GEMIN5: variants seen among roughly 807,000 people sequenced by gnomAD.
The protein encoded by GEMIN5 is gem nuclear organelle associated protein 5, also known as gem-associated protein 5.
Under a neutral mutation model 176.9 loss-of-function variants are expected in GEMIN5, and 124 were observed. The observed-to-expected ratio is 0.70, with a 90% CI of 0.61 to 0.81. The LOEUF is 0.81. Ranked by LOEUF, GEMIN5 falls within the 40% of genes least tolerant of loss-of-function variation. The probability of loss-of-function intolerance (pLI) is 0.00; values close to 1 mark genes in which losing one functional copy is unlikely to be tolerated. For synonymous variants in GEMIN5, 673 were observed against 665.2 expected, an observed-to-expected ratio of 1.01 and a Z score of -0.18; for missense variants, 1,843 against 1,814.6, an observed-to-expected ratio of 1.02 and a Z score of -0.28.
chr5:154,902,692 A>T lies in GEMIN5; in HGVS notation c.2729-16T>A, dbSNP rs189440893. ...TGACCTTTTCCTGTTTGAAAGAGAG[A>T]TAATGTTTGGAAGGTGTTTCAGAAA... On this transcript the variant is annotated splice_polypyrimidine_tract_variant and intron_variant, in intron 19 of 27. Coordinates refer to ENST00000285873, the MANE Select transcript of GEMIN5 (RefSeq NM_015465.5). 1.2e-6 allele frequency: 2 copies of T among 1,612,518 alleles called. No individual in the cohort carries two copies. Among genetic ancestry groups the T allele is most frequent in the East Asian group, 2.2e-5 (1 of 44,858 alleles).
At chr5:154,935,733 T>C in intron 3 of GEMIN5, 108 bp downstream of exon 3, 1 of 743,256 alleles carries the variant, frequency 1.3e-6, no homozygotes, top group Non-Finnish European at 2.2e-6. Context: ...GTGGTTAACA[T>C]CTGTAGATGG....
chr5:154,892,644 A>G, intron 24 of GEMIN5, 95 bp from the exon 25 acceptor site: 1 of 1,187,544 alleles, frequency 8.4e-7, no homozygotes, highest in Non-Finnish European at 1.2e-6. Flanking sequence ...TTTGGAAACA[A>G]GTACACACAA....
At chr5:154,917,289 G>C (rs1763833771) in intron 12 of GEMIN5, 110 bp from the exon 13 acceptor site, 6 of 516,266 alleles carry the variant, frequency 1.2e-5, no homozygotes, top group Admixed American at 3.5e-5. Flanking sequence ...AGGTGGAAAA[G>C]GATAACCCTT....
intron 6 of GEMIN5, among the ~76,000 whole-genome samples, chr5:154,927,956 A>C (rs953491099): frequency 3.3e-5 from 5 of 151,800 alleles, no homozygotes; most frequent in African/African-American, 1.2e-4. Flanking sequence ...GCACCACTGC[A>C]CTCCAGCCTG....
intron 10 of GEMIN5, 151 bp downstream of exon 10, chr5:154,921,192 T>C: frequency 1.8e-6 from 1 of 571,372 alleles, no homozygotes; most frequent in Non-Finnish European, 3.1e-6. Flanking sequence ...CATCTGCCAC[T>C]ACTGTCTTCA....
At chr5:154,915,763 T>C (rs1285926163) in intron 13 of GEMIN5, among the ~76,000 whole-genome samples, 4 of 152,136 alleles carry the variant, frequency 2.6e-5, no homozygotes, top group East Asian at 1.9e-4. Context: ...CCTCTGTTTG[T>C]GTGTAACACT....
chr5:154,898,637 T>A lies in GEMIN5; in HGVS notation c.3148A>T (p.Thr1050Ser). The change falls in exon 23 of 28, where the codon ACT becomes TCT. Residue 1050 changes from threonine (T) to serine (S), a missense_variant. By Grantham distance (58) the Thr-to-Ser change is moderately conservative. Transcript: ENST00000285873. ...ACTTTGGCTGCATCATAAGCACAAGTGGCCCCTAAATAGCTATAATATGAA... is the reference window on the plus strand; with the variant it reads ...ACTTTGGCTGCATCATAAGCACAAGAGGCCCCTAAATAGCTATAATATGAA... Reference protein sequence around the residue: ...AVAAKCYLGATCAYDAAKVLA... With the variant: ...AVAAKCYLGASCAYDAAKVLA... 6.2e-7 allele frequency: 1 copy of A among 1,612,066 alleles called. No homozygotes were observed. The highest frequency in any genetic ancestry group is 8.5e-7 in the Non-Finnish European group (1 of 1,178,138).
chr5:154,932,356 G>C, intron 3 of GEMIN5, 106 bp from the exon 4 acceptor site: 1 of 776,432 alleles, frequency 1.3e-6, no homozygotes, highest in East Asian at 2.6e-5. Flanking sequence ...TTAAAGTTAG[G>C]TGCATTTGGG....
In GEMIN5 at chr5:154,938,008, G is replaced by T; in HGVS notation, c.126C>A (p.Gly42=). ...ARTSVFLVRV[G]PGAGESPGTP... ...TCCCTGGACTCTCGCCTGCGCCCGGGCCCACGCGGACAAGGAAGACGGAGG... is the reference window on the plus strand; with the variant it reads ...TCCCTGGACTCTCGCCTGCGCCCGGTCCCACGCGGACAAGGAAGACGGAGG... Residue 42 remains glycine (G), a synonymous_variant, in exon 1 of 28, where the codon GGC becomes GGA. Coordinates refer to ENST00000285873, the MANE Select transcript of GEMIN5 (RefSeq NM_015465.5). 6.4e-7 allele frequency: 1 copy of T among 1,569,704 alleles called. No homozygotes were observed. The highest frequency in any genetic ancestry group is 8.6e-7 in the Non-Finnish European group (1 of 1,160,736).
chr5:154,915,125 T>C (rs1763785292), intron 13 of GEMIN5, among the ~76,000 whole-genome samples: 1 of 152,230 alleles, frequency 6.6e-6, no homozygotes, highest in Non-Finnish European at 1.5e-5. Context: ...TTCTAACTTA[T>C]GTTCATTAGT....
chr5:154,923,968 T>A (rs1243079928), intron 9 of GEMIN5, among the ~76,000 whole-genome samples: 5 of 152,230 alleles, frequency 3.3e-5, no homozygotes, highest in African/African-American at 1.2e-4. Context: ...ACCTAAAGTT[T>A]TCTAGTAGCC....
At chr5:154,929,940 C>T (rs916361711) in intron 5 of GEMIN5, among the ~76,000 whole-genome samples, 1 of 152,158 alleles carries the variant, frequency 6.6e-6, no homozygotes, top group African/African-American at 2.4e-5. Context: ...TGGAAGCAAC[C>T]CAAATGTCCA....
chr5:154,896,328 A>T lies in GEMIN5; in HGVS notation c.3361T>A (p.Phe1121Ile), dbSNP rs770020327. The T allele has an allele frequency of 5.0e-6, 8 of 1,587,156 alleles. No individual in the cohort carries two copies. Among genetic ancestry groups the T allele is most frequent in the Non-Finnish European group, 6.8e-6 (8 of 1,168,476 alleles). Residue 1121 changes from phenylalanine to isoleucine, a missense_variant, in exon 24 of 28, where the codon TTT becomes ATT. Coordinates refer to ENST00000285873, the MANE Select transcript of GEMIN5 (RefSeq NM_015465.5). ...CTGGACAGTAGCTCCAGAAGGCAAA[A>T]CACCAATCTCTGACCCTGGAACACG... ...HESLQGQRLVFCLLELLSRHL... is the reference protein window; with the variant it reads ...HESLQGQRLVICLLELLSRHL...
intron 16 of GEMIN5, 100 bp downstream of exon 16, chr5:154,907,490 GA>G: frequency 4.1e-6 from 3 of 736,446 alleles, no homozygotes; most frequent in Non-Finnish European, 6.7e-6. Context: ...CCAAGAGTTG[GA>G]AAAATGGGAA....
intron 26 of GEMIN5, among the ~76,000 whole-genome samples, chr5:154,889,771 G>C (rs1763186936): frequency 6.6e-6 from 1 of 152,082 alleles, no homozygotes; most frequent in African/African-American, 2.4e-5. Context: ...ATGTCTTTTT[G>C]TGACTGGCTT....
At chr5:154,906,644 G>A (rs192326302) in intron 16 of GEMIN5, among the ~76,000 whole-genome samples, 4 of 152,288 alleles carry the variant, frequency 2.6e-5, no homozygotes, top group Admixed American at 6.5e-5. Context: ...CGGTTCTCCT[G>A]CCTCAGCCTC....
chr5:154,906,745 C>T (rs951051766), intron 16 of GEMIN5, among the ~76,000 whole-genome samples: 1 of 152,104 alleles, frequency 6.6e-6, no homozygotes, highest in Non-Finnish European at 1.5e-5. Context: ...AGGCTTTTTG[C>T]TCTTTATTTA....
At chr5:154,935,523 G>A (rs1764248545) in intron 3 of GEMIN5, among the ~76,000 whole-genome samples, 1 of 152,202 alleles carries the variant, frequency 6.6e-6, no homozygotes, top group South Asian at 2.1e-4. Flanking sequence ...TCTGACACCT[G>A]GGAGTTCATG....
At position 154,891,462 on chromosome 5, in the gene GEMIN5, T is replaced by G. The variant is rs1317990594; in HGVS notation, c.4041A>C (p.Glu1347Asp). ...RPSELDLRLT[E>D]EGERMLSTFK... ...AAGTACTCAGCATTCGCTCACCTTC[T>G]TCTGTGAGTCTCAAGTCTAGTTCTG... Residue 1347 changes from glutamate to aspartate, a missense_variant, in exon 26 of 28, where the codon GAA (glutamate) becomes GAC (aspartate). Coordinates refer to ENST00000285873, the MANE Select transcript of GEMIN5 (RefSeq NM_015465.5). 1 of 1,614,180 alleles carries G rather than the reference T, an allele frequency of 6.2e-7. No homozygotes were observed. Among genetic ancestry groups the G allele is most frequent in the Admixed American group, 1.7e-5 (1 of 60,020 alleles).
Sources: gnomAD v4.1 joint callset for allele counts (sites outside exome capture counted in the v4.1 genomes callset) on GRCh38, gnomAD v4.1.1 for gene constraint, MANE v1.5 for transcripts, NCBI Gene and HGNC (gene_info 2026-07-23, HGNC 2026-07-21) for gene names.